Variants in NLRC5 observed in about 807,000 individuals in gnomAD.
The protein encoded by NLRC5 is protein NLRC5.
NLRC5 carries 114 observed loss-of-function variants against 206.9 expected under a neutral mutation model. That is an observed-to-expected ratio of 0.55 (90% CI 0.47 to 0.64). The LOEUF is 0.64. Among genes scored for constraint, NLRC5 ranks in the 30% least tolerant of loss-of-function variants. The pLI, the probability that NLRC5 is intolerant of heterozygous loss-of-function variation, is 0.00. For missense variants in NLRC5, 2,008 were observed against 2,305.5 expected (o/e 0.87, Z 2.64); for synonymous variants, 952 against 962.8 (o/e 0.99, Z 0.21).
chr16:57,029,338 A>G (rs768591990), intron 8 of NLRC5, among the ~76,000 whole-genome samples: 29 of 152,178 alleles, frequency 1.9e-4, no homozygotes, highest in Non-Finnish European at 3.1e-4. Context: ...GTCAGAGAGG[A>G]ATGCGCTTGG....
intron 17 of NLRC5, among the ~76,000 whole-genome samples, chr16:57,040,973 C>T (rs1452867104): frequency 2.0e-5 from 3 of 152,132 alleles, no homozygotes; most frequent in African/African-American, 4.8e-5. Flanking sequence ...CTCCCTGACC[C>T]CCAGCAGCTG....
At chr16:57,028,408 C>T (rs751734812) in intron 8 of NLRC5, 23 bp downstream of exon 8, 18 of 1,591,612 alleles carry the variant, frequency 1.1e-5, no homozygotes, top group Non-Finnish European at 1.6e-5. Flanking sequence ...CAGGAGGGCT[C>T]ACTGACTGGG....
chr16:57,036,226 T>C (rs1172432534), intron 14 of NLRC5, 43 bp downstream of exon 14: 2 of 1,586,252 alleles, frequency 1.3e-6, no homozygotes, highest in South Asian at 1.1e-5. Flanking sequence ...GAAGGCCCTG[T>C]AGAGCCCCAG....
At chr16:57,021,126 A>G in intron 3 of NLRC5, 119 bp downstream of exon 3, 3 of 869,110 alleles carry the variant, frequency 3.5e-6, no homozygotes, top group South Asian at 3.4e-5. Flanking sequence ...CACGATCTCA[A>G]CTCTATATTT....
chr16:57,074,575 G>T (rs1434032252), intron 38 of NLRC5, 25 bp from the exon 39 acceptor site: 35 of 1,610,492 alleles, frequency 2.2e-5, no homozygotes, highest in Non-Finnish European at 2.8e-5. Flanking sequence ...CAGATGTCAA[G>T]TTCACCTGGC....
chr16:57,032,253 A>G (rs2061966900), intron 11 of NLRC5, among the ~76,000 whole-genome samples: 1 of 151,802 alleles, frequency 6.6e-6, no homozygotes, highest in Non-Finnish European at 1.5e-5. Flanking sequence ...TAAAAAAAAA[A>G]GGCAGGCGTG....
chr16:57,079,434 T>G, intron 45 of NLRC5, 112 bp from the exon 46 acceptor site: 1 of 1,376,954 alleles, frequency 7.3e-7, no homozygotes. Context: ...AAAGGAAGTC[T>G]TTCCTAAAAC....
chr16:57,051,425 T>A, intron 23 of NLRC5, 113 bp from the exon 24 acceptor site: 1 of 752,450 alleles, frequency 1.3e-6, no homozygotes, highest in Non-Finnish European at 2.4e-6. Flanking sequence ...TGGGAGGGAA[T>A]GTTTCAGGTG....
chr16:57,055,106 T>G lies in NLRC5; in HGVS notation c.3659+12T>G, dbSNP rs1255226279. Reference sequence around the variant, plus strand: ...GGCGTGTGCTGTGGGTAAGCCCCCTTGAACCATGCCTAGGCAGCTAGTTGA... The same window carrying G: ...GGCGTGTGCTGTGGGTAAGCCCCCTGGAACCATGCCTAGGCAGCTAGTTGA... On this transcript the variant is annotated intron_variant, in intron 26 of 48. Transcript: ENST00000688547. 1.2e-6 allele frequency: 2 copies of G among 1,614,034 alleles called. No individual in the cohort carries two copies. The highest frequency in any genetic ancestry group is 3.3e-5 in the Admixed American group (2 of 60,024).
intron 15 of NLRC5, among the ~76,000 whole-genome samples, chr16:57,039,030 C>A (rs1369209601): frequency 6.6e-6 from 1 of 151,750 alleles, no homozygotes; most frequent in Non-Finnish European, 1.5e-5. Context: ...GTCATCCCTG[C>A]TTCTAGCCCT....
chr16:57,070,453 A>G (rs543232631), intron 37 of NLRC5, 82 bp from the exon 38 acceptor site: 3 of 1,232,236 alleles, frequency 2.4e-6, no homozygotes, highest in South Asian at 2.5e-5. Context: ...GGGACAGAGC[A>G]GGAGAGGGGA....
intron 46 of NLRC5, 64 bp from the exon 47 acceptor site, chr16:57,081,034 C>T: frequency 6.3e-6 from 9 of 1,436,536 alleles, no homozygotes; most frequent in Non-Finnish European, 8.6e-6. Context: ...CCATTCACTG[C>T]CTTGTCTCCA....
At chr16:57,058,000 A>T in intron 27 of NLRC5, 65 bp from the exon 28 acceptor site, 1 of 1,300,426 alleles carries the variant, frequency 7.7e-7, no homozygotes, top group Non-Finnish European at 1.1e-6. Context: ...GCTCCTGGTG[A>T]CTGAGGAGCA....
At chr16:57,005,884 C>T (rs1275042267) in intron 1 of NLRC5, among the ~76,000 whole-genome samples, 1 of 151,698 alleles carries the variant, frequency 6.6e-6, no homozygotes, top group African/African-American at 2.4e-5. Context: ...CACACCACTG[C>T]ACTCCAGCCT....
At position 57,018,445 on chromosome 16, in the gene NLRC5, C is replaced by T. The variant is rs541591029; in HGVS notation, c.-13+1257C>T. On this transcript the variant is annotated intron_variant, in intron 2 of 48. Coordinates refer to ENST00000688547, the MANE Select transcript of NLRC5 (RefSeq NM_001384950.1). Reference sequence around the variant, plus strand: ...CGTCTGCTTAGTGGAGGTGGTGATCCCTGCCTGAGGATCATGGTGTGAGCA... The same window carrying T: ...CGTCTGCTTAGTGGAGGTGGTGATCTCTGCCTGAGGATCATGGTGTGAGCA... 3.9e-5 allele frequency among the ~76,000 whole-genome samples: 6 copies of T among 152,286 alleles called. No individual in the cohort carries two copies. In the South Asian group the frequency reaches 1.2e-3, roughly 32 times the overall value.
intron 36 of NLRC5, 61 bp downstream of exon 36, chr16:57,067,889 C>T (rs893824512): frequency 1.3e-5 from 17 of 1,295,400 alleles, no homozygotes; most frequent in East Asian, 4.6e-5. Flanking sequence ...TGACACCTCC[C>T]GTTATTCCCA....
intron 1 of NLRC5, among the ~76,000 whole-genome samples, 165 bp from the exon 2 acceptor site, chr16:57,016,909 C>T (rs538022781): frequency 3.3e-5 from 5 of 152,098 alleles, no homozygotes; most frequent in Admixed American, 1.3e-4. Flanking sequence ...GAGCTGCAGT[C>T]GGGGAAGAAC....
chr16:57,017,489 TTACACTGTAGTACATGCACCCTCCA>T, intron 2 of NLRC5, among the ~76,000 whole-genome samples: 1 of 152,210 alleles, frequency 6.6e-6, no homozygotes, highest in Non-Finnish European at 1.5e-5. Flanking sequence ...ATAGGCCAGG[TTACACTGTAGTACATGCACCCTCCA>T]AAGTCCCAGT....
At chr16:57,002,397 C>A (rs897873330) in intron 1 of NLRC5, among the ~76,000 whole-genome samples, 6 of 152,182 alleles carry the variant, frequency 3.9e-5, no homozygotes, top group African/African-American at 1.4e-4. Flanking sequence ...ATCCACCTGC[C>A]TCAGCCTCCC....
Sources: allele counts gnomAD v4.1 joint callset (sites outside exome capture counted in the v4.1 genomes callset), GRCh38; gene constraint gnomAD v4.1.1; transcripts MANE v1.5; gene names NCBI Gene and HGNC (gene_info 2026-07-23, HGNC 2026-07-21).